The following CORO2B variants were observed in gnomAD, a reference collection of about 807,000 sequenced individuals.
The protein encoded by CORO2B is coronin-2B.
In CORO2B, 26 loss-of-function variants were observed where a neutral mutation model predicts 58.8. The observed-to-expected ratio is 0.44, with a 90% CI of 0.32 to 0.61. The LOEUF is 0.61. CORO2B is among the 20% of genes least tolerant of loss of function. The pLI, the probability that CORO2B is intolerant of heterozygous loss-of-function variation, is 0.04. For missense variants in CORO2B, 460 were observed against 645.1 expected, an observed-to-expected ratio of 0.71 and a Z score of 3.11; for synonymous variants, 242 against 253.8, an observed-to-expected ratio of 0.95 and a Z score of 0.44.
upstream of CORO2B, among the ~76,000 whole-genome samples, chr15:68,577,511 C>T (rs1449270253): frequency 6.6e-6 from 1 of 152,020 alleles, no homozygotes; most frequent in Non-Finnish European, 1.5e-5. Flanking sequence ...ATCACGAGGT[C>T]AGGAGTTCGA....
chr15:68,588,450 A>G (rs796272192), intron 1 of CORO2B, among the ~76,000 whole-genome samples: 4 of 152,322 alleles, frequency 2.6e-5, no homozygotes, highest in African/African-American at 9.6e-5. Flanking sequence ...AAGTGAGCCA[A>G]ATAAAGCATC....
intron 1 of CORO2B, among the ~76,000 whole-genome samples, chr15:68,581,436 T>C (rs1899422210): frequency 1.3e-5 from 2 of 152,182 alleles, no homozygotes; most frequent in African/African-American, 4.8e-5. Context: ...ACAAGCCCGC[T>C]GGTAGTAGCT....
chr15:68,646,691 A>G (rs1901441240), intron 2 of CORO2B, among the ~76,000 whole-genome samples: 1 of 152,234 alleles, frequency 6.6e-6, no homozygotes, highest in African/African-American at 2.4e-5. Context: ...TAATGGTAAA[A>G]GCAGGATCAG....
At chr15:68,676,394 C>T (rs75169384) in intron 2 of CORO2B, among the ~76,000 whole-genome samples, 2,182 of 152,278 alleles carry the variant, frequency 0.014, 64 homozygotes, top group African/African-American at 0.05. Context: ...CTTTAATTTC[C>T]GGGGGCCAAT....
At chr15:68,686,226 G>A (rs1017042412) in intron 2 of CORO2B, among the ~76,000 whole-genome samples, 1 of 151,300 alleles carries the variant, frequency 6.6e-6, no homozygotes, top group Non-Finnish European at 1.5e-5. Context: ...GGTAGAGAGG[G>A]GGTTCTGTCA....
chr15:68,710,778 C>T lies in CORO2B; in HGVS notation c.380C>T (p.Thr127Met), dbSNP rs144874326. 2.8e-5 allele frequency: 45 copies of T among 1,612,244 alleles called. No individual in the cohort carries two copies. The highest frequency in any genetic ancestry group is 1.1e-4 in the African/African-American group (8 of 75,030). The change falls in exon 4 of 12, where the codon ACG (threonine) becomes ATG (methionine). Residue 127 changes from threonine to methionine, a missense_variant. By Grantham distance (81) the Thr-to-Met change is moderately conservative. Transcript: ENST00000261861. This position sits in a 1 kb window ranked among gnomAD's most constrained non-coding sequence, Gnocchi z 4.1. ...IPEGGLKRNM[T>M]EALLELHGHS... ...GAGGGCGGGCTGAAGCGGAACATGA[C>T]GGAGGCGCTCCTGGAGCTGCACGGG...
intron 11 of CORO2B, among the ~76,000 whole-genome samples, chr15:68,722,753 TA>T (rs1396769343): frequency 6.6e-6 from 1 of 152,224 alleles, no homozygotes; most frequent in African/African-American, 2.4e-5. Flanking sequence ...TTTTAAGTTA[TA>T]TTTTTTTAAG....
At chr15:68,520,082 GT>G in the CORO2B span, among the ~76,000 whole-genome samples, 1 of 152,064 alleles carries the variant, frequency 6.6e-6, no homozygotes, top group Admixed American at 6.5e-5. Context: ...TAATTTTCTT[GT>G]TATTCTTTCA....
chr15:68,651,120 T>C (rs1901626175), intron 2 of CORO2B, among the ~76,000 whole-genome samples: 1 of 152,212 alleles, frequency 6.6e-6, no homozygotes, highest in African/African-American at 2.4e-5. Context: ...CTCCTTGATC[T>C]GCGAGGCTCA....
At chr15:68,578,601 G>A (rs910821100), upstream of CORO2B, among the ~76,000 whole-genome samples, 2 of 151,896 alleles carry the variant, frequency 1.3e-5, no homozygotes, top group Non-Finnish European at 2.9e-5. The surrounding 1 kb of genome is among the most constrained non-coding windows in gnomAD (Gnocchi z 4.2). Context: ...CCGACTTTGC[G>A]AGCCTCCAGG....
chr15:68,575,156 A>G (rs1899255659), upstream of CORO2B, among the ~76,000 whole-genome samples: 2 of 152,008 alleles, frequency 1.3e-5, no homozygotes, highest in Non-Finnish European at 2.9e-5. Flanking sequence ...TGCCCTCCCA[A>G]AAGCATAGCC....
chr15:68,702,885 G>GAC (rs1301094562), intron 3 of CORO2B, among the ~76,000 whole-genome samples: 3 of 127,908 alleles, frequency 2.3e-5, no homozygotes, highest in Non-Finnish European at 4.6e-5. Context: ...GGAGTGCTGT[G>GAC]ACACAATCTT....
At chr15:68,545,637 G>A in the CORO2B span, among the ~76,000 whole-genome samples, 1 of 151,228 alleles carries the variant, frequency 6.6e-6, no homozygotes, top group South Asian at 2.1e-4. Context: ...TGGGCGAGGG[G>A]GACTGGGCAA....
chr15:68,694,965 G>C (rs1406418029), intron 2 of CORO2B, among the ~76,000 whole-genome samples, 175 bp from the exon 3 acceptor site: 3 of 152,214 alleles, frequency 2.0e-5, no homozygotes, highest in African/African-American at 4.8e-5. Context: ...CTGCAGAGCA[G>C]TGTGGCCCAG....
intron 1 of CORO2B, among the ~76,000 whole-genome samples, chr15:68,581,942 A>G (rs890075075): frequency 1.3e-5 from 2 of 152,114 alleles, no homozygotes; most frequent in Non-Finnish European, 2.9e-5. Flanking sequence ...AGGTCCCCTC[A>G]GGGCAGAGTC....
At chr15:68,659,982 G>A (rs1421366583) in intron 2 of CORO2B, among the ~76,000 whole-genome samples, 1 of 152,184 alleles carries the variant, frequency 6.6e-6, no homozygotes, top group Admixed American at 6.5e-5. Context: ...AAGAAGAGGG[G>A]TTGGCATTGC....
chr15:68,538,889 C>A, the CORO2B span, among the ~76,000 whole-genome samples: 1 of 152,052 alleles, frequency 6.6e-6, no homozygotes, highest in African/African-American at 2.4e-5. Flanking sequence ...GGAGATATGG[C>A]CAGGGAATCT....
chr15:68,586,086 C>T (rs564898888), intron 1 of CORO2B, among the ~76,000 whole-genome samples: 1 of 152,304 alleles, frequency 6.6e-6, no homozygotes, highest in East Asian at 1.9e-4. Context: ...GGCAGTCTGT[C>T]ATTTACTTGC....
At chr15:68,560,621 A>G in the CORO2B span, among the ~76,000 whole-genome samples, 1 of 152,062 alleles carries the variant, frequency 6.6e-6, no homozygotes, top group Non-Finnish European at 1.5e-5. Flanking sequence ...CTTGAAGGGA[A>G]ACACCAGCAG....
Sources: allele counts gnomAD v4.1 joint callset (sites outside exome capture counted in the v4.1 genomes callset), GRCh38; gene constraint gnomAD v4.1.1; non-coding constraint Gnocchi (gnomAD v3.1); transcripts MANE v1.5; gene names NCBI Gene and HGNC (gene_info 2026-07-23, HGNC 2026-07-21).